SEZ6L: variants seen among roughly 807,000 people sequenced by gnomAD.
The protein encoded by SEZ6L is seizure 6-like protein.
Under a neutral mutation model 106.2 loss-of-function variants are expected in SEZ6L, and 37 were observed. The ratio of observed to expected loss-of-function variants is 0.35; its 90% confidence interval spans 0.27 to 0.46. The LOEUF (loss-of-function observed/expected upper bound fraction) is 0.46. Among genes scored for constraint, SEZ6L ranks in the 20% least tolerant of loss-of-function variants. The pLI is 1.00. For synonymous variants in SEZ6L, 541 were observed against 570.4 expected, an observed-to-expected ratio of 0.95 and a Z score of 0.73; for missense variants, 1,172 against 1,332.8, an observed-to-expected ratio of 0.88 and a Z score of 1.88.
intron 9 of SEZ6L, among the ~76,000 whole-genome samples, chr22:26,330,692 G>C (rs1333107894): frequency 6.6e-6 from 1 of 152,078 alleles, no homozygotes; most frequent in Non-Finnish European, 1.5e-5. Context: ...TAATTTTTGC[G>C]GTTTCCACAG....
chr22:26,207,373 T>C lies in SEZ6L; in HGVS notation c.94+37610T>C, dbSNP rs188244562. On this transcript the variant is annotated intron_variant, in intron 1 of 16. Transcript: ENST00000248933. Reference sequence around the variant, plus strand: ...GCTTCATCACCTGAAGCAAGACATTTAGCTTCCCTGACCCTCAATTTCTTC... The same window carrying C: ...GCTTCATCACCTGAAGCAAGACATTCAGCTTCCCTGACCCTCAATTTCTTC... Among the ~76,000 whole-genome samples, 270 of 152,342 alleles carry C rather than the reference T, an allele frequency of 1.8e-3. 1 individual carries two copies. The highest frequency in any genetic ancestry group is 6.3e-3 in the African/African-American group (262 of 41,570).
intron 1 of SEZ6L, among the ~76,000 whole-genome samples, chr22:26,267,962 C>T (rs1463605385): frequency 2.0e-5 from 3 of 152,202 alleles, no homozygotes; most frequent in Non-Finnish European, 4.4e-5. Flanking sequence ...CAGGTTTCTA[C>T]TCACAGTGGG....
intron 10 of SEZ6L, among the ~76,000 whole-genome samples, chr22:26,343,128 A>T (rs964444180): frequency 6.6e-6 from 1 of 151,946 alleles, no homozygotes; most frequent in Non-Finnish European, 1.5e-5. Context: ...GCTTCAGGGG[A>T]TAACTCATGT....
At chr22:26,275,635 A>G (rs915854012) in intron 1 of SEZ6L, among the ~76,000 whole-genome samples, 6 of 152,194 alleles carry the variant, frequency 3.9e-5, no homozygotes, top group Non-Finnish European at 8.8e-5. Flanking sequence ...TTTCTCTGTC[A>G]TACCACAGGC....
At chr22:26,265,797 T>A (rs621933) in intron 1 of SEZ6L, among the ~76,000 whole-genome samples, 32,697 of 152,096 alleles carry the variant, frequency 0.21, 4,076 homozygotes, top group South Asian at 0.32. Flanking sequence ...GAGGCAGACA[T>A]GCCTTTGATG....
intron 1 of SEZ6L, among the ~76,000 whole-genome samples, chr22:26,188,787 C>G (rs1939980510): frequency 6.6e-6 from 1 of 152,168 alleles, no homozygotes; most frequent in South Asian, 2.1e-4. Flanking sequence ...AGTGTGGTCA[C>G]TCTTAACCCG....
intron 1 of SEZ6L, among the ~76,000 whole-genome samples, chr22:26,245,461 C>G (rs1431333634): frequency 6.6e-6 from 1 of 152,100 alleles, no homozygotes; most frequent in Non-Finnish European, 1.5e-5. Context: ...CTCTCCCAAG[C>G]CCACCCTTCC....
chr22:26,314,695 C>T (rs6005010), intron 9 of SEZ6L, among the ~76,000 whole-genome samples: 2 of 152,098 alleles, frequency 1.3e-5, no homozygotes. Flanking sequence ...CAGAATGTTC[C>T]CCGCTAGCTC....
chr22:26,206,217 C>T (rs954796302), intron 1 of SEZ6L, among the ~76,000 whole-genome samples: 2 of 152,178 alleles, frequency 1.3e-5, no homozygotes, highest in Non-Finnish European at 2.9e-5. Context: ...CATTCTACTC[C>T]CTTTGAAAAT....
At chr22:26,342,514 C>G (rs1028779063) in intron 10 of SEZ6L, among the ~76,000 whole-genome samples, 3 of 148,384 alleles carry the variant, frequency 2.0e-5, no homozygotes, top group African/African-American at 5.2e-5. Flanking sequence ...ACAGTGAAAC[C>G]CCGTCTCTAC....
intron 9 of SEZ6L, among the ~76,000 whole-genome samples, chr22:26,314,602 A>C (rs576375188): frequency 1.2e-4 from 19 of 152,198 alleles, no homozygotes; most frequent in Non-Finnish European, 2.4e-4. Context: ...TGAATGAAAA[A>C]AAATGTTTTT....
chr22:26,245,298 G>A (rs931823382), intron 1 of SEZ6L, among the ~76,000 whole-genome samples: 6 of 152,174 alleles, frequency 3.9e-5, no homozygotes, highest in African/African-American at 9.7e-5. Context: ...GCTGCTGAGA[G>A]CCTGACTTTA....
At position 26,299,121 on chromosome 22, in the gene SEZ6L, A is replaced by G; in HGVS notation, c.1300A>G (p.Ile434Val). 1.9e-6 allele frequency: 3 copies of G among 1,598,428 alleles called. No homozygotes were observed. The highest frequency in any genetic ancestry group is 2.6e-6 in the Non-Finnish European group (3 of 1,172,550). ...CCAGGGCGCTAAGATGCTGACATGC[A>G]TCAATGCCTCCAAGCCGCACTGGAG... ...ELQGAKMLTC[I>V]NASKPHWSSQ... Residue 434 changes from isoleucine to valine, a missense_variant, in exon 5 of 17, where the codon ATC (isoleucine) becomes GTC (valine). This residue lies in a region of SEZ6L where 534 missense variants were observed against 691.0 expected (regional missense o/e 0.77). Coordinates refer to ENST00000248933, the MANE Select transcript of SEZ6L (RefSeq NM_021115.5).
At chr22:26,363,247 T>C (rs1217262556) in intron 12 of SEZ6L, among the ~76,000 whole-genome samples, 1 of 152,242 alleles carries the variant, frequency 6.6e-6, no homozygotes, top group Non-Finnish European at 1.5e-5. Flanking sequence ...CAGTTGACAT[T>C]ACTCAAGCTG....
chr22:26,345,990 C>A (rs2146001643), intron 10 of SEZ6L, among the ~76,000 whole-genome samples: 1 of 152,082 alleles, frequency 6.6e-6, no homozygotes, highest in East Asian at 1.9e-4. Flanking sequence ...GAAGAATATA[C>A]CAACAGTTTA....
chr22:26,170,704 T>G (rs1601941830), intron 1 of SEZ6L, among the ~76,000 whole-genome samples: 3 of 150,724 alleles, frequency 2.0e-5, no homozygotes, highest in Middle Eastern at 6.8e-3. Context: ...GCTTCGGGGG[T>G]TTTCTCAGGC....
At chr22:26,187,052 A>G (rs1016722607) in intron 1 of SEZ6L, among the ~76,000 whole-genome samples, 6 of 152,188 alleles carry the variant, frequency 3.9e-5, no homozygotes, top group Non-Finnish European at 8.8e-5. Context: ...CTCTCCGCTA[A>G]GGTTAGGGAC....
intron 1 of SEZ6L, among the ~76,000 whole-genome samples, chr22:26,227,893 G>A (rs895829916): frequency 6.6e-6 from 1 of 152,198 alleles, no homozygotes. Flanking sequence ...TTGCACACAT[G>A]CATGGAGAAC....
chr22:26,199,401 C>CT (rs1270724528), intron 1 of SEZ6L, among the ~76,000 whole-genome samples: 1 of 152,080 alleles, frequency 6.6e-6, no homozygotes, highest in East Asian at 1.9e-4. Context: ...TTTCTGAGAA[C>CT]TGATTTAACT....
Sources: allele counts gnomAD v4.1 joint callset (sites outside exome capture counted in the v4.1 genomes callset), GRCh38; gene constraint gnomAD v4.1.1; regional missense constraint gnomAD v4.1.1; transcripts MANE v1.5; gene names NCBI Gene and HGNC (gene_info 2026-07-23, HGNC 2026-07-21).